ORC4: variants seen among roughly 807,000 people sequenced by gnomAD.
ORC4 encodes origin recognition complex, subunit 4 homolog.
In ORC4, 55 loss-of-function variants were observed where a neutral mutation model predicts 63.9. That is an observed-to-expected ratio of 0.86 (90% CI 0.69 to 1.08). The LOEUF (loss-of-function observed/expected upper bound fraction) is 1.08. ORC4 is among the 50% of genes least tolerant of loss of function. The pLI, the probability that ORC4 is intolerant of heterozygous loss-of-function variation, is 0.00. For synonymous variants in ORC4, 150 were observed against 168.5 expected (o/e 0.89, Z 0.85); for missense variants, 511 against 504.4 (o/e 1.01, Z -0.13).
At chr2:147,969,886 A>G (rs996362230) in intron 4 of ORC4, among the ~76,000 whole-genome samples, 4 of 152,074 alleles carry the variant, frequency 2.6e-5, no homozygotes, top group Non-Finnish European at 4.4e-5. Flanking sequence ...GAAAAGGAAT[A>G]GAAGTATGGA....
chr2:147,986,024 T>C (rs752353775), intron 1 of ORC4, among the ~76,000 whole-genome samples: 15 of 152,234 alleles, frequency 9.9e-5, no homozygotes, highest in Non-Finnish European at 4.4e-5. Flanking sequence ...AACACGGTTA[T>C]TATAACAGAT....
At chr2:147,952,269 T>A in intron 8 of ORC4, 104 bp downstream of exon 8, 2 of 859,092 alleles carry the variant, frequency 2.3e-6, no homozygotes, top group Admixed American at 2.6e-5. Context: ...TGAAACAAAA[T>A]TTTTAAAATG....
chr2:147,981,301 C>T (rs550878086), intron 1 of ORC4, among the ~76,000 whole-genome samples: 18 of 152,288 alleles, frequency 1.2e-4, no homozygotes, highest in Non-Finnish European at 2.5e-4. Flanking sequence ...ACATGCAATA[C>T]ACAGCATGGA....
chr2:147,946,764 G>T (rs1043469771), intron 9 of ORC4, among the ~76,000 whole-genome samples: 8 of 151,902 alleles, frequency 5.3e-5, no homozygotes, highest in Non-Finnish European at 8.8e-5. Context: ...TGGGAAAAAA[G>T]TAATATAAAA....
At position 147,939,187 on chromosome 2, in the gene ORC4, T is replaced by G; in HGVS notation, c.911A>C (p.Glu304Ala). ...GTCCATGCTACACAGTTGGCTTGCTTCCATTAGATCTACGGCAGTCATAAA... is the reference window on the plus strand; with the variant it reads ...GTCCATGCTACACAGTTGGCTTGCTGCCATTAGATCTACGGCAGTCATAAA... Reference protein sequence around the residue: ...HPFMTAVDLMEASQLCSMDSK... With the variant: ...HPFMTAVDLMAASQLCSMDSK... Residue 304 changes from glutamate (E) to alanine (A), a missense_variant, in exon 11 of 14, where the codon GAA (glutamate) becomes GCA (alanine). Transcript: ENST00000392857. 6.2e-7 allele frequency: 1 copy of G among 1,613,116 alleles called. No homozygotes were observed. Among genetic ancestry groups the G allele is most frequent in the Non-Finnish European group, 8.5e-7 (1 of 1,179,232 alleles).
chr2:147,958,688 G>T, intron 5 of ORC4, 103 bp downstream of exon 5: 1 of 689,538 alleles, frequency 1.5e-6, no homozygotes, highest in Non-Finnish European at 2.6e-6. Flanking sequence ...CATGGATCTA[G>T]TTTTCAAAAT....
intron 8 of ORC4, among the ~76,000 whole-genome samples, chr2:147,950,154 T>C (rs1688873845): frequency 6.6e-6 from 1 of 152,146 alleles, no homozygotes; most frequent in African/African-American, 2.4e-5. Flanking sequence ...ATTCAGAGAT[T>C]CAGATATTGT....
intron 8 of ORC4, among the ~76,000 whole-genome samples, chr2:147,950,256 A>C: frequency 6.6e-6 from 1 of 152,334 alleles, no homozygotes; most frequent in East Asian, 1.9e-4. Flanking sequence ...TCAGACCCTA[A>C]ATTTGGGAAT....
At chr2:147,943,313 G>A (rs1667423164) in intron 10 of ORC4, 123 bp downstream of exon 10, 11 of 702,592 alleles carry the variant, frequency 1.6e-5, no homozygotes, top group Non-Finnish European at 2.6e-5. Context: ...CACTTAGGGA[G>A]GCAGAGGTGG....
intron 13 of ORC4, 76 bp downstream of exon 13, chr2:147,938,070 C>A (rs1007210577): frequency 1.0e-4 from 98 of 940,826 alleles, no homozygotes; most frequent in Admixed American, 1.6e-4. Flanking sequence ...AATGAAAGTG[C>A]AATTTTAATA....
intron 4 of ORC4, among the ~76,000 whole-genome samples, chr2:147,970,778 C>T (rs1690166343): frequency 6.6e-6 from 1 of 152,028 alleles, no homozygotes; most frequent in African/African-American, 2.4e-5. Flanking sequence ...GGTGATGAAG[C>T]TTCAGATACA....
At chr2:148,014,506 C>T (rs891505764) in intron 1 of ORC4, among the ~76,000 whole-genome samples, 6 of 151,980 alleles carry the variant, frequency 3.9e-5, no homozygotes, top group African/African-American at 1.5e-4. Flanking sequence ...TTTTTAAATA[C>T]AACTGGTACT....
At chr2:147,949,000 TTATA>T (rs1688805072) in intron 8 of ORC4, among the ~76,000 whole-genome samples, 2 of 147,966 alleles carry the variant, frequency 1.4e-5, no homozygotes, top group African/African-American at 2.4e-5. Flanking sequence ...ACACAGCATA[TTATA>T]TATAATATAT....
In ORC4 at chr2:147,941,895, A is replaced by G. The variant is rs571652613; in HGVS notation, c.849+1541T>C. 5.3e-5 allele frequency among the ~76,000 whole-genome samples: 8 copies of G among 152,242 alleles called. No individual in the cohort carries two copies. In the East Asian group the frequency reaches 1.5e-3, roughly 29 times the overall value. ...TTTTGACAATAGAAGAAAAGTAAAT[A>G]GGGATAAAAAGACTTAAATTCCTCA... On this transcript the variant is annotated intron_variant, in intron 10 of 13. Transcript: ENST00000392857.
At chr2:148,006,409 C>T (rs1219704062) in intron 1 of ORC4, among the ~76,000 whole-genome samples, 1 of 152,148 alleles carries the variant, frequency 6.6e-6, no homozygotes, top group Non-Finnish European at 1.5e-5. Context: ...CATCCTTTGG[C>T]AAGCCTTGGT....
At chr2:148,009,704 T>A (rs181520014) in intron 1 of ORC4, among the ~76,000 whole-genome samples, 3 of 152,186 alleles carry the variant, frequency 2.0e-5, no homozygotes, top group Non-Finnish European at 4.4e-5. Context: ...ATCTGCACTA[T>A]AGATTAAATG....
Position 147,948,194 on chromosome 2 carries a change from TCA to T in ORC4, c.617_618del (p.Val206GlufsTer22). 1 of 1,609,286 alleles carries T rather than the reference TCA, an allele frequency of 6.2e-7. No individual in the cohort carries two copies. Reference protein sequence around the residue: ...LDILELLEKRVKSRFSHRQIH... With the variant: ...LDILELLEKRXKSRFSHRQIH... ...ATCTGCCGGTGAGAAAATCTTGACT[TCA>T]CTCTTTTTTCTAAGAGTTCCAAAAT... On this transcript the variant is annotated frameshift_variant, in exon 9 of 14. Transcript: ENST00000392857. LOFTEE classifies it high-confidence loss of function.
rs577792526 is a variant in ORC4, at chr2:147,997,194, G to A, written c.-17-21219C>T. Among the ~76,000 whole-genome samples the A allele has an allele frequency of 1.1e-4, 17 of 152,222 alleles. 1 individual carries two copies. Among genetic ancestry groups the A allele is most frequent in the African/African-American group, 3.6e-4 (15 of 41,532 alleles). On this transcript the variant is annotated intron_variant, in intron 1 of 13. Transcript: ENST00000392857. Reference sequence around the variant, plus strand: ...TCCAACTATATGATATTCTGGAATAGGCAAAACTACAGAAATAGATGTTTT... The same window carrying A: ...TCCAACTATATGATATTCTGGAATAAGCAAAACTACAGAAATAGATGTTTT...
intron 1 of ORC4, among the ~76,000 whole-genome samples, chr2:148,007,415 C>A (rs1692702242): frequency 6.6e-6 from 1 of 152,122 alleles, no homozygotes; most frequent in South Asian, 2.1e-4. Flanking sequence ...AAATGATGAA[C>A]AAGCAGAAAT....
Sources: gnomAD v4.1 joint callset for allele counts (sites outside exome capture counted in the v4.1 genomes callset) on GRCh38, gnomAD v4.1.1 for gene constraint, MANE v1.5 for transcripts, NCBI Gene and HGNC (gene_info 2026-07-23, HGNC 2026-07-21) for gene names.